CPN1: variants seen among roughly 807,000 people sequenced by gnomAD.
CPN1 encodes the protein carboxypeptidase N subunit 1, also known as carboxypeptidase N catalytic chain.
A neutral mutation model predicts 46.4 loss-of-function variants in CPN1; 37 were observed. The ratio of observed to expected loss-of-function variants is 0.80; its 90% CI spans 0.61 to 1.05. The LOEUF is 1.05. CPN1 is among the 50% of genes least tolerant of loss of function. The pLI is 0.00. For synonymous variants in CPN1, 224 were observed against 235.4 expected, an observed-to-expected ratio of 0.95 and a Z score of 0.44; for missense variants, 563 against 602.6, an observed-to-expected ratio of 0.93 and a Z score of 0.69.
intron 2 of CPN1, among the ~76,000 whole-genome samples, chr10:100,074,277 A>ATC (rs1046996724): frequency 1.9e-4 from 29 of 152,314 alleles, no homozygotes; most frequent in African/African-American, 6.3e-4. Flanking sequence ...CATGGCAGGT[A>ATC]TCTCTGAGAG....
intron 7 of CPN1, among the ~76,000 whole-genome samples, chr10:100,050,805 A>AT (rs1222660837): frequency 6.6e-6 from 1 of 152,014 alleles, no homozygotes; most frequent in East Asian, 1.9e-4. Context: ...TATTATTTTT[A>AT]TTTTTTGTAG....
At chr10:100,053,153 A>C (rs1218435795) in intron 7 of CPN1, among the ~76,000 whole-genome samples, 1 of 152,234 alleles carries the variant, frequency 6.6e-6, no homozygotes, top group East Asian at 1.9e-4. Flanking sequence ...CTTCACTGTG[A>C]GGCTACAGGA....
At chr10:100,059,818 A>C (rs2041406904) in intron 5 of CPN1, among the ~76,000 whole-genome samples, 1 of 152,200 alleles carries the variant, frequency 6.6e-6, no homozygotes, top group Admixed American at 6.5e-5. Flanking sequence ...TATTCACAAA[A>C]GCTAAAATGT....
intron 2 of CPN1, 80 bp from the exon 3 acceptor site, chr10:100,069,949 T>G: frequency 6.6e-7 from 1 of 1,525,036 alleles, no homozygotes; most frequent in Non-Finnish European, 9.1e-7. Context: ...TGGAGACAGG[T>G]TCTCACACTG....
intron 5 of CPN1, among the ~76,000 whole-genome samples, chr10:100,063,194 C>T (rs537239115): frequency 6.6e-6 from 1 of 152,280 alleles, no homozygotes; most frequent in South Asian, 2.1e-4. Flanking sequence ...GATCATGGCT[C>T]ACTGCAAACT....
chr10:100,070,301 G>A (rs2041477066), intron 2 of CPN1, among the ~76,000 whole-genome samples: 1 of 151,876 alleles, frequency 6.6e-6, no homozygotes, highest in Non-Finnish European at 1.5e-5. Flanking sequence ...GGCCAAAATG[G>A]TGAAACACCA....
At chr10:100,065,480 G>A (rs1464374530) in intron 3 of CPN1, 110 bp from the exon 4 acceptor site, 2 of 1,141,342 alleles carry the variant, frequency 1.8e-6, no homozygotes, top group Non-Finnish European at 2.5e-6. Context: ...ATGTCTGAAT[G>A]AAACATTGAG....
intron 8 of CPN1, among the ~76,000 whole-genome samples, chr10:100,044,666 G>A (rs1229470224): frequency 1.3e-5 from 2 of 150,448 alleles, no homozygotes; most frequent in Non-Finnish European, 3.0e-5. Context: ...ATGAGTCACC[G>A]CACCCAGCTG....
chr10:100,072,331 A>G (rs2041490644), intron 2 of CPN1, among the ~76,000 whole-genome samples: 1 of 152,058 alleles, frequency 6.6e-6, no homozygotes, highest in South Asian at 2.1e-4. Context: ...ACGCGCCACA[A>G]CACCTGGCTA....
rs1470378071 is a variant in CPN1, at chr10:100,065,351, G to A, written c.596C>T (p.Ala199Val). ...WKSQVEPETR[A>V]VIRWMHSFNF... ...GAAGGAGTGCATCCACCGGATCACC[G>A]CCCGGGTCTCGGGTTCCACCTGGGA... Residue 199 changes from alanine to valine, a missense_variant, in exon 4 of 9, where the codon GCG (alanine) becomes GTG (valine). Physicochemically the swap from Ala to Val is moderately conservative, Grantham distance 64. Transcript: ENST00000370418. 3 of 1,614,152 alleles carry A rather than the reference G, an allele frequency of 1.9e-6. No homozygotes were observed. Among genetic ancestry groups the A allele is most frequent in the East Asian group, 4.5e-5 (2 of 44,872 alleles).
chr10:100,048,943 TA>T, intron 7 of CPN1, 67 bp from the exon 8 acceptor site: 1 of 1,277,412 alleles, frequency 7.8e-7, no homozygotes, highest in Non-Finnish European at 1.1e-6. Context: ...CTAGGGTTTT[TA>T]TCTGACTACA....
chr10:100,051,749 G>A (rs1393049831), intron 7 of CPN1, among the ~76,000 whole-genome samples: 1 of 152,008 alleles, frequency 6.6e-6, no homozygotes, highest in Non-Finnish European at 1.5e-5. Context: ...GGCTGGTCTT[G>A]AACTCCTGAC....
chr10:100,065,409 G>A, intron 3 of CPN1, 39 bp from the exon 4 acceptor site: 1 of 1,611,586 alleles, frequency 6.2e-7, no homozygotes, highest in African/African-American at 1.3e-5. Context: ...AGGGCCAACT[G>A]GGGCTACCAA....
intron 3 of CPN1, among the ~76,000 whole-genome samples, chr10:100,069,449 C>G (rs2041472210): frequency 6.6e-6 from 1 of 150,876 alleles, no homozygotes; most frequent in Non-Finnish European, 1.5e-5. Context: ...CCATTACACT[C>G]CAGCCTGGGC....
At chr10:100,043,714 G>T (rs1346805941) in intron 8 of CPN1, among the ~76,000 whole-genome samples, 3 of 151,214 alleles carry the variant, frequency 2.0e-5, no homozygotes, top group Non-Finnish European at 2.9e-5. Context: ...TGTTGTCCAG[G>T]CTGGACTCAA....
intron 8 of CPN1, 148 bp downstream of exon 8, chr10:100,048,610 G>T: frequency 1.4e-6 from 1 of 713,590 alleles, no homozygotes; most frequent in Middle Eastern, 3.2e-4. Flanking sequence ...TAGGCGGCAG[G>T]ATTGCTTCGG....
At chr10:100,048,570 T>G (rs1396173454) in intron 8 of CPN1, among the ~76,000 whole-genome samples, 188 bp downstream of exon 8, 4 of 152,030 alleles carry the variant, frequency 2.6e-5, no homozygotes, top group Non-Finnish European at 4.4e-5. Context: ...TGGTGTGTGC[T>G]TATACTCACT....
Position 100,045,169 on chromosome 10 carries a change from T to C in CPN1, c.1231-2596A>G, listed in dbSNP as rs560053494. On this transcript the variant is annotated intron_variant, in intron 8 of 8. Coordinates refer to ENST00000370418, the MANE Select transcript of CPN1 (RefSeq NM_001308.3). ...ACATCTTTTCTCCTCTGAGTATATT[T>C]GACATAATGATGGGTTATGTTAATT... is the stretch of plus-strand genomic sequence containing the variant. Among the ~76,000 whole-genome samples, 6 of 152,324 alleles carry C rather than the reference T, an allele frequency of 3.9e-5. No homozygotes were observed. The South Asian group carries it at 1.2e-3, about 32-fold the overall frequency.
intron 7 of CPN1, among the ~76,000 whole-genome samples, chr10:100,053,528 G>A (rs1374890577): frequency 6.6e-6 from 1 of 151,970 alleles, no homozygotes; most frequent in Non-Finnish European, 1.5e-5. Context: ...TGGAGGCTGA[G>A]TTAGGAGGAT....
Sources: allele counts gnomAD v4.1 joint callset (sites outside exome capture counted in the v4.1 genomes callset), GRCh38; gene constraint gnomAD v4.1.1; transcripts MANE v1.5; gene names NCBI Gene and HGNC (gene_info 2026-07-23, HGNC 2026-07-21).